Variants in DHX32 observed in about 807,000 individuals in gnomAD.
DHX32 encodes the protein putative pre-mRNA-splicing factor ATP-dependent RNA helicase DHX32.
In DHX32, 51 loss-of-function variants were observed where a neutral mutation model predicts 70.0. That is an observed-to-expected ratio of 0.73 (90% CI 0.58 to 0.92). DHX32 has a LOEUF of 0.92. DHX32 is among the 40% of genes least tolerant of loss of function. The probability of loss-of-function intolerance (pLI) is 0.00; values close to 1 mark genes in which losing one functional copy is unlikely to be tolerated. For synonymous variants in DHX32, 310 were observed against 315.3 expected (o/e 0.98, Z 0.18); for missense variants, 762 against 891.8 (o/e 0.85, Z 1.85).
intron 2 of DHX32, among the ~76,000 whole-genome samples, chr10:125,864,008 A>T (rs1589713641): frequency 6.6e-6 from 1 of 152,334 alleles, no homozygotes; most frequent in Non-Finnish European, 1.5e-5. Flanking sequence ...CAAAGAGGTT[A>T]GGTGACTTCT....
In DHX32 at chr10:125,852,416, A is replaced by T. The variant is rs1254728355; in HGVS notation, c.1228T>A (p.Ser410Thr). 12 of 1,614,048 alleles carry T rather than the reference A, an allele frequency of 7.4e-6. 1 individual carries two copies. In the Admixed American group the frequency reaches 1.7e-4, roughly 22 times the overall value. ...GGCTTCAGTGGCGTCATGTCTTTGG[A>T]GGCAAATTCTTCAGTGTACAGGCAG... ...FFCLYTEEFA[S>T]KDMTPLKPAE... The change falls in exon 6 of 11, where the codon TCC becomes ACC. Residue 410 changes from serine (S) to threonine (T), a missense_variant. Around this residue, in one of 3 missense-constraint regions of DHX32, gnomAD observed 366 missense variants for 402.6 expected, o/e 0.91. Transcript: ENST00000284690.
intron 1 of DHX32, among the ~76,000 whole-genome samples, chr10:125,878,100 C>A (rs538836174): frequency 2.0e-4 from 31 of 152,222 alleles, no homozygotes; most frequent in African/African-American, 7.2e-4. Flanking sequence ...AATACAACAA[C>A]AAACTGAATA....
At chr10:125,861,044 G>A (rs560873417) in intron 2 of DHX32, among the ~76,000 whole-genome samples, 25 of 151,590 alleles carry the variant, frequency 1.6e-4, no homozygotes, top group Non-Finnish European at 3.1e-4. Flanking sequence ...GAGCCACCGC[G>A]CCCGGCCCCA....
chr10:125,867,499 G>A lies in DHX32; in HGVS notation c.283-316C>T, dbSNP rs369386456. ...CGCCTGTAATCCCAGCACTTTGGGA[G>A]GCCGAGGTGGGCGGATCACGAAGTC... On this transcript the variant is annotated intron_variant, in intron 1 of 10. Transcript: ENST00000284690. Among the ~76,000 whole-genome samples the A allele has an allele frequency of 4.0e-4, 61 of 152,338 alleles. 1 individual carries two copies. In the East Asian group the frequency reaches 0.01, roughly 26 times the overall value.
At chr10:125,890,350 CTTTGT>C (rs1269963819) in intron 1 of DHX32, among the ~76,000 whole-genome samples, 3 of 152,338 alleles carry the variant, frequency 2.0e-5, no homozygotes, top group Admixed American at 1.3e-4. Flanking sequence ...CTTTGTTTGC[CTTTGT>C]TTTAATAGCC....
intron 1 of DHX32, among the ~76,000 whole-genome samples, chr10:125,874,471 A>G (rs1042895502): frequency 6.6e-6 from 1 of 152,160 alleles, no homozygotes; most frequent in African/African-American, 2.4e-5. Flanking sequence ...TATTAATATA[A>G]CATATAACAT....
chr10:125,840,565 C>T (rs1854849265), intron 8 of DHX32, among the ~76,000 whole-genome samples: 1 of 152,236 alleles, frequency 6.6e-6, no homozygotes, highest in Non-Finnish European at 1.5e-5. Flanking sequence ...CCCCCGTCAC[C>T]ATGCCCCAAG....
At chr10:125,882,533 T>C (rs1271562709), upstream of DHX32, among the ~76,000 whole-genome samples, 2 of 152,182 alleles carry the variant, frequency 1.3e-5, no homozygotes, top group Non-Finnish European at 2.9e-5. Context: ...ATTTTGAAGA[T>C]GGCAGCAAGA....
chr10:125,837,271 T>C (rs1854721618), intron 10 of DHX32, among the ~76,000 whole-genome samples: 1 of 152,228 alleles, frequency 6.6e-6, no homozygotes, highest in South Asian at 2.1e-4. Context: ...CAGACATCTA[T>C]GAGTCACTCT....
intron 2 of DHX32, among the ~76,000 whole-genome samples, chr10:125,863,639 C>T (rs145526590): frequency 2.6e-5 from 4 of 151,932 alleles, no homozygotes; most frequent in African/African-American, 9.7e-5. Flanking sequence ...TTAGTAGAGA[C>T]GGGGTTTCAC....
intron 2 of DHX32, among the ~76,000 whole-genome samples, chr10:125,862,880 C>CT (rs901882719): frequency 2.0e-5 from 3 of 151,816 alleles, no homozygotes; most frequent in Admixed American, 6.6e-5. Context: ...AAAAAAACTA[C>CT]TTTTTTTCTA....
chr10:125,858,455 A>G (rs1362736477), intron 3 of DHX32, among the ~76,000 whole-genome samples: 2 of 152,244 alleles, frequency 1.3e-5, no homozygotes, highest in Non-Finnish European at 2.9e-5. Context: ...TATACATACA[A>G]AAAATGATAA....
At chr10:125,853,519 T>C (rs1944118761) in intron 4 of DHX32, 1 of 223,122 alleles carries the variant, frequency 4.5e-6, no homozygotes, top group Non-Finnish European at 8.7e-6. Flanking sequence ...GTCAGTATAC[T>C]TGAAACAAGT....
chr10:125,838,325 C>T lies in DHX32; in HGVS notation c.1944G>A (p.Gln648=). The T allele has an allele frequency of 6.2e-7, 1 of 1,613,738 alleles. No individual in the cohort carries two copies. The highest frequency in any genetic ancestry group is 8.5e-7 in the Non-Finnish European group (1 of 1,179,936). ...YLMLTHKQVA[Q]LHPLSGYSIT... ...TTGAGTAACCAGACAGGGGATGCAG[C>T]TGAGCAACCTGCTTATGTGTCAGCA... Residue 648 remains glutamine (Q), a synonymous_variant, in exon 10 of 11, where the codon CAG becomes CAA. Coordinates refer to ENST00000284690, the MANE Select transcript of DHX32 (RefSeq NM_018180.3).
At chr10:125,855,508 G>A (rs1248280421) in intron 3 of DHX32, among the ~76,000 whole-genome samples, 1 of 149,648 alleles carries the variant, frequency 6.7e-6, no homozygotes, top group East Asian at 2.0e-4. Flanking sequence ...GAGTGCAGTG[G>A]CCCGATCTCA....
intron 4 of DHX32, chr10:125,853,437 TAAA>T (rs892961069): frequency 8.6e-5 from 27 of 315,746 alleles, no homozygotes; most frequent in African/African-American, 5.1e-4. Context: ...TTAAAAGTAA[TAAA>T]GAATATTTTG....
chr10:125,856,866 G>C (rs1944151597), intron 3 of DHX32, among the ~76,000 whole-genome samples: 1 of 152,154 alleles, frequency 6.6e-6, no homozygotes, highest in Non-Finnish European at 1.5e-5. Context: ...TGAAGAGGTA[G>C]ATGGCTTGAG....
At position 125,836,435 on chromosome 10, in the gene DHX32, T is replaced by C. The variant is rs1160433395; in HGVS notation, c.*252A>G. Reference sequence around the variant, plus strand: ...GACACATTTACAAAATACCAGTTTTTTAAAATTTTGGTCAAATTATGAGTG... The same window carrying C: ...GACACATTTACAAAATACCAGTTTTCTAAAATTTTGGTCAAATTATGAGTG... On this transcript the variant is annotated 3_prime_UTR_variant, in exon 11 of 11. Transcript: ENST00000284690. 1.4e-6 allele frequency: 2 copies of C among 1,438,132 alleles called. No individual in the cohort carries two copies. The highest frequency in any genetic ancestry group is 1.8e-6 in the Non-Finnish European group (2 of 1,102,536). The allele number at this position is 1,438,132 out of a possible 1,614,324, so 89.1% of individuals were successfully genotyped here.
At chr10:125,841,309 C>A in intron 7 of DHX32, 1 of 1,614,106 alleles carries the variant, frequency 6.2e-7, no homozygotes, top group Non-Finnish European at 8.5e-7. Flanking sequence ...AGGATTGGAA[C>A]CAGTTCCGAT....
Sources: allele counts gnomAD v4.1 joint callset (sites outside exome capture counted in the v4.1 genomes callset), GRCh38; gene constraint gnomAD v4.1.1; regional missense constraint gnomAD v4.1.1; transcripts MANE v1.5; gene names NCBI Gene and HGNC (gene_info 2026-07-23, HGNC 2026-07-21).